The following FHIT variants were observed in gnomAD, a reference collection of about 807,000 sequenced individuals.
FHIT encodes the protein fragile histidine triad diadenosine triphosphatase.
A neutral mutation model predicts 17.9 loss-of-function variants in FHIT; 19 were observed. The observed-to-expected ratio is 1.06, with a 90% CI of 0.74 to 1.56. FHIT has a LOEUF of 1.56. Ranked by LOEUF, FHIT falls within the 40% of genes most tolerant of loss-of-function variation. FHIT has a pLI of 0.00. For missense variants in FHIT, 248 were observed against 189.2 expected (o/e 1.31, Z -1.82); for synonymous variants, 81 against 69.7 (o/e 1.16, Z -0.81).
At chr3:60,799,480 CT>C (rs1701108806) in intron 4 of FHIT, among the ~76,000 whole-genome samples, 1 of 141,382 alleles carries the variant, frequency 7.1e-6, no homozygotes, top group African/African-American at 2.4e-5. Flanking sequence ...GGCCCAAAGT[CT>C]TTTTTTATAA....
chr3:61,029,227 A>G lies in FHIT; in HGVS notation c.-111+12820T>C, dbSNP rs538082943. On this transcript the variant is annotated intron_variant, in intron 3 of 9. Coordinates refer to ENST00000492590, the MANE Select transcript of FHIT (RefSeq NM_002012.4). ...AGTACCTTAATTGTTGTTAAATACTAACAACACCTAAAATTGATCTGTACC... is the reference window on the plus strand; with the variant it reads ...AGTACCTTAATTGTTGTTAAATACTGACAACACCTAAAATTGATCTGTACC... Among the ~76,000 whole-genome samples, 6 of 152,354 alleles carry G rather than the reference A, an allele frequency of 3.9e-5. No homozygotes were observed. The East Asian group carries it at 1.2e-3, about 29-fold the overall frequency.
At chr3:60,003,069 T>C (rs1389901011) in intron 7 of FHIT, among the ~76,000 whole-genome samples, 4 of 152,166 alleles carry the variant, frequency 2.6e-5, no homozygotes, top group African/African-American at 9.7e-5. Context: ...GGAAAGTGCT[T>C]CAAATGGGGC....
At chr3:59,869,484 C>CTTTT (rs59589849) in intron 8 of FHIT, among the ~76,000 whole-genome samples, 1 of 105,460 alleles carries the variant, frequency 9.5e-6, no homozygotes, top group Non-Finnish European at 1.8e-5. Flanking sequence ...AAAGAACATC[C>CTTTT]TTTTTTTTTT....
chr3:61,171,228 G>A (rs1015865490), intron 2 of FHIT, among the ~76,000 whole-genome samples: 7 of 152,132 alleles, frequency 4.6e-5, no homozygotes, highest in African/African-American at 1.7e-4. Context: ...TTTTGCACAC[G>A]ATTTTTGGCC....
At chr3:60,309,952 G>T (rs1708866138) in intron 5 of FHIT, among the ~76,000 whole-genome samples, 1 of 151,994 alleles carries the variant, frequency 6.6e-6, no homozygotes, top group Non-Finnish European at 1.5e-5. Context: ...TCACATTCGA[G>T]TGTCTCATTT....
chr3:60,334,541 C>A (rs1459210521), intron 5 of FHIT, among the ~76,000 whole-genome samples: 1 of 152,322 alleles, frequency 6.6e-6, no homozygotes, highest in South Asian at 2.1e-4. Context: ...AATCCCTGCA[C>A]TTTGGGAGGC....
chr3:60,724,731 C>A (rs1553708931), intron 4 of FHIT, among the ~76,000 whole-genome samples: 1 of 150,372 alleles, frequency 6.7e-6, no homozygotes, highest in African/African-American at 2.5e-5. Context: ...TCACTGCAAC[C>A]ACCACCTCCC....
At chr3:60,952,647 G>A (rs959306544) in intron 3 of FHIT, among the ~76,000 whole-genome samples, 7 of 152,094 alleles carry the variant, frequency 4.6e-5, no homozygotes, top group Non-Finnish European at 1.0e-4. Context: ...TGCAAGAAGT[G>A]TTCTCTAACC....
chr3:59,857,705 GT>G lies in FHIT; in HGVS notation c.348+64640del, dbSNP rs78150569. ...ATGACTATGCTGTGCAAAGTGCTGG[GT>G]TTTTTTTTTTTTTTTTGTATCCTAA... On this transcript the variant is annotated intron_variant, in intron 8 of 9. Transcript: ENST00000492590. 1.8e-3 allele frequency among the ~76,000 whole-genome samples: 210 copies of G among 115,380 alleles called. 1 individual carries two copies. The highest frequency in any genetic ancestry group is 4.5e-3 in the East Asian group (17 of 3,792). 75.7% of individuals were successfully genotyped at this position (115,380 alleles called of 152,430 possible).
At chr3:60,299,062 C>T (rs1031522919) in intron 5 of FHIT, among the ~76,000 whole-genome samples, 4 of 152,156 alleles carry the variant, frequency 2.6e-5, no homozygotes, top group Admixed American at 6.6e-5. Context: ...TGGAACTTCT[C>T]TGTCCCTGCC....
intron 8 of FHIT, among the ~76,000 whole-genome samples, chr3:59,806,098 G>A (rs1009210315): frequency 2.0e-5 from 3 of 151,610 alleles, no homozygotes; most frequent in East Asian, 1.9e-4. Flanking sequence ...GGAGAATGGC[G>A]TGAACCCAGG....
chr3:60,084,234 A>G (rs889288608), intron 5 of FHIT, among the ~76,000 whole-genome samples: 1 of 152,174 alleles, frequency 6.6e-6, no homozygotes, highest in African/African-American at 2.4e-5. Context: ...ATTCTTTTGT[A>G]GTCTTTGAAT....
rs1364324479 is a variant in FHIT at position 61,148,536 on chromosome 3, G to A, written c.-164+52081C>T. On this transcript the variant is annotated intron_variant, in intron 2 of 9. Coordinates refer to ENST00000492590, the MANE Select transcript of FHIT (RefSeq NM_002012.4). The stretch of plus-strand genomic sequence containing the variant: ...TCCATATTGTATATATTTGTTGTTT[G>A]TTCCTTTTTGTTGGTGAGTACCACC... Among the ~76,000 whole-genome samples the A allele has an allele frequency of 2.6e-5, 4 of 152,194 alleles. No homozygotes were observed. In the South Asian group the frequency reaches 6.2e-4, roughly 24 times the overall value.
intron 8 of FHIT, among the ~76,000 whole-genome samples, chr3:59,857,015 A>G (rs540054452): frequency 6.6e-6 from 1 of 152,346 alleles, no homozygotes; most frequent in African/African-American, 2.4e-5. Context: ...AGTCACGCTA[A>G]TGTAACAATC....
At chr3:60,318,089 G>A (rs561108354) in intron 5 of FHIT, among the ~76,000 whole-genome samples, 2 of 151,984 alleles carry the variant, frequency 1.3e-5, no homozygotes, top group South Asian at 2.1e-4. Context: ...ACCATGCCCC[G>A]CCCCATTCTG....
At chr3:61,174,674 C>T (rs763313761) in intron 2 of FHIT, among the ~76,000 whole-genome samples, 24 of 152,196 alleles carry the variant, frequency 1.6e-4, no homozygotes, top group Non-Finnish European at 2.9e-4. Context: ...TGTTAAGACA[C>T]TAGTATATCT....
chr3:60,945,705 C>T (rs1708608317), intron 3 of FHIT, among the ~76,000 whole-genome samples: 2 of 152,078 alleles, frequency 1.3e-5, no homozygotes. Flanking sequence ...GAGATGGGGA[C>T]TGTGGGGATG....
At chr3:60,561,866 A>C (rs1450711865) in intron 4 of FHIT, among the ~76,000 whole-genome samples, 1 of 151,868 alleles carries the variant, frequency 6.6e-6, no homozygotes, top group Non-Finnish European at 1.5e-5. Flanking sequence ...TATTGCCCAG[A>C]CTCTGGGAAT....
At chr3:60,923,883 C>T (rs990693920) in intron 3 of FHIT, among the ~76,000 whole-genome samples, 1 of 152,220 alleles carries the variant, frequency 6.6e-6, no homozygotes. Flanking sequence ...TTCCAATGGT[C>T]TTAGCAAACG....
Sources: allele counts gnomAD v4.1 joint callset (sites outside exome capture counted in the v4.1 genomes callset), GRCh38; gene constraint gnomAD v4.1.1; transcripts MANE v1.5; gene names NCBI Gene and HGNC (gene_info 2026-07-23, HGNC 2026-07-21).